The following TRPS1 variants were observed in gnomAD, a reference collection of about 807,000 sequenced individuals.
The protein encoded by TRPS1 is transcriptional repressor GATA binding 1.
A neutral mutation model predicts 101.2 loss-of-function variants in TRPS1; 6 were observed. The observed-to-expected ratio is 0.06, with a 90% CI of 0.03 to 0.12. The LOEUF (loss-of-function observed/expected upper bound fraction) is 0.12. Among genes scored for constraint, TRPS1 ranks in the 10% least tolerant of loss-of-function variants. TRPS1 has a pLI of 1.00. For missense variants in TRPS1, 1,363 were observed against 1,567.0 expected, an observed-to-expected ratio of 0.87 and a Z score of 2.20; for synonymous variants, 578 against 589.8, an observed-to-expected ratio of 0.98 and a Z score of 0.29.
intron 5 of TRPS1, among the ~76,000 whole-genome samples, chr8:115,451,166 G>C (rs1206531490): frequency 6.6e-6 from 1 of 152,172 alleles, no homozygotes; most frequent in Non-Finnish European, 1.5e-5. Flanking sequence ...TATTAGATGT[G>C]CAGTGCTCTA....
chr8:115,541,267 C>T (rs1055093631), intron 5 of TRPS1, among the ~76,000 whole-genome samples: 22 of 152,244 alleles, frequency 1.4e-4, no homozygotes, highest in African/African-American at 5.3e-4. Context: ...ATAGGGATGG[C>T]TTAGGAGGGT....
chr8:115,572,800 C>T (rs1351271376), intron 5 of TRPS1, among the ~76,000 whole-genome samples: 1 of 152,110 alleles, frequency 6.6e-6, no homozygotes, highest in Non-Finnish European at 1.5e-5. Flanking sequence ...TTTACCCTCA[C>T]AGAACAGCTG....
chr8:115,610,518 T>C (rs1818137996), intron 3 of TRPS1, among the ~76,000 whole-genome samples: 1 of 152,188 alleles, frequency 6.6e-6, no homozygotes, highest in African/African-American at 2.4e-5. Flanking sequence ...CCATAGCTTA[T>C]TTCTGAGGTT....
intron 5 of TRPS1, among the ~76,000 whole-genome samples, chr8:115,427,199 C>T (rs1813208066): frequency 6.6e-6 from 1 of 152,028 alleles, no homozygotes; most frequent in Non-Finnish European, 1.5e-5. Flanking sequence ...ATGGTTTGAG[C>T]CCAGGGGTTC....
At chr8:115,459,254 G>T (rs1375957907) in intron 5 of TRPS1, among the ~76,000 whole-genome samples, 4 of 152,108 alleles carry the variant, frequency 2.6e-5, no homozygotes, top group African/African-American at 9.7e-5. Flanking sequence ...AACCCGGGAG[G>T]CGGAGCTTGC....
chr8:115,603,966 T>C lies in TRPS1; in HGVS notation c.2003A>G (p.Asp668Gly). The C allele has an allele frequency of 2.5e-6, 4 of 1,613,998 alleles. No individual in the cohort carries two copies. Among genetic ancestry groups the C allele is most frequent in the Non-Finnish European group, 2.5e-6 (3 of 1,179,972 alleles). Residue 668 changes from aspartate to glycine, a missense_variant, in exon 4 of 7, where the codon GAT becomes GGT. Transcript: ENST00000395715. ...GCTTTCCTTGACAGACTGCTGCCCA[T>C]CCGATCCTTGCAGGTGATTTGCTTC... ...KQEANHLQGS[D>G]GQQSVKESKE...
At chr8:115,527,634 G>C (rs1816031342) in intron 5 of TRPS1, among the ~76,000 whole-genome samples, 1 of 151,914 alleles carries the variant, frequency 6.6e-6, no homozygotes, top group Admixed American at 6.6e-5. Flanking sequence ...GAAACTGTGA[G>C]GTAAAGGTCT....
chr8:115,579,605 ATAATCAGTACCTTTTT>A (rs1157145393), intron 5 of TRPS1, among the ~76,000 whole-genome samples: 1 of 138,838 alleles, frequency 7.2e-6, no homozygotes, highest in African/African-American at 2.7e-5. Flanking sequence ...AGTTTGATTC[ATAATCAGTACCTTTTT>A]TAATGGTAGC....
intron 1 of TRPS1, among the ~76,000 whole-genome samples, chr8:115,633,756 T>G (rs1474301734): frequency 6.6e-6 from 1 of 152,194 alleles, no homozygotes; most frequent in Non-Finnish European, 1.5e-5. Flanking sequence ...GAATAAATGC[T>G]GTGTTTACAT....
At chr8:115,601,860 T>C (rs1331399121) in intron 4 of TRPS1, among the ~76,000 whole-genome samples, 1 of 152,188 alleles carries the variant, frequency 6.6e-6, no homozygotes, top group African/African-American at 2.4e-5. Flanking sequence ...GAACTCCCAT[T>C]AGGCATCCTG....
chr8:115,443,132 T>C lies in TRPS1; in HGVS notation c.2701-24680A>G, dbSNP rs571068055. On this transcript the variant is annotated intron_variant, in intron 5 of 6. Transcript: ENST00000395715. ...AAAAGGAAAAAAAAATAGCTGGACG[T>C]GGTGGCATATTCCTGTAGTCCCAGC... Among the ~76,000 whole-genome samples, 5 of 150,774 alleles carry C rather than the reference T, an allele frequency of 3.3e-5. No homozygotes were observed. The East Asian group carries it at 9.7e-4, about 29-fold the overall frequency.
At chr8:115,519,381 G>T (rs1036618718) in intron 5 of TRPS1, among the ~76,000 whole-genome samples, 2 of 151,402 alleles carry the variant, frequency 1.3e-5, no homozygotes, top group Non-Finnish European at 3.0e-5. Flanking sequence ...AATCCACTAC[G>T]TAAATTTGAA....
rs916251477 is a variant in TRPS1, at chr8:115,482,316, C to T, written c.2701-63864G>A. Among the ~76,000 whole-genome samples, 14 of 152,292 alleles carry T rather than the reference C, an allele frequency of 9.2e-5. 1 individual carries two copies. Among genetic ancestry groups the T allele is most frequent in the African/African-American group, 2.6e-4 (11 of 41,578 alleles). ...GATGTATAAGGTGAAATTTAACCTACATATGCAAATGGATTTCACTGAATC... is the reference window on the plus strand; with the variant it reads ...GATGTATAAGGTGAAATTTAACCTATATATGCAAATGGATTTCACTGAATC... On this transcript the variant is annotated intron_variant, in intron 5 of 6. Coordinates refer to ENST00000395715, the MANE Select transcript of TRPS1 (RefSeq NM_014112.5).
intron 5 of TRPS1, among the ~76,000 whole-genome samples, chr8:115,464,259 C>G (rs1196785871): frequency 6.6e-6 from 1 of 152,052 alleles, no homozygotes; most frequent in Admixed American, 6.6e-5. Context: ...ACTGCTTTGT[C>G]CACCCTGGCA....
chr8:115,620,147 GT>G, intron 2 of TRPS1, 87 bp from the exon 3 acceptor site: 2 of 1,320,662 alleles, frequency 1.5e-6, no homozygotes, highest in Non-Finnish European at 2.1e-6. Context: ...ACTTATGTGA[GT>G]TTTTTAAGGT....
chr8:115,606,807 CAA>C (rs72238288), intron 3 of TRPS1, among the ~76,000 whole-genome samples: 29 of 123,440 alleles, frequency 2.3e-4, no homozygotes, highest in African/African-American at 7.9e-4. Flanking sequence ...GTTCATTTGC[CAA>C]AAAAAAAAAA....
intron 5 of TRPS1, among the ~76,000 whole-genome samples, chr8:115,448,497 G>C (rs1467280338): frequency 1.3e-5 from 2 of 152,106 alleles, no homozygotes; most frequent in Admixed American, 6.5e-5. Flanking sequence ...ATATGGAAAA[G>C]AGCTCTCTTT....
At chr8:115,617,787 T>G (rs1818305290) in intron 3 of TRPS1, among the ~76,000 whole-genome samples, 2 of 152,194 alleles carry the variant, frequency 1.3e-5, no homozygotes, top group South Asian at 4.1e-4. Context: ...AGCATGTAGC[T>G]TTCATGCATA....
chr8:115,618,842 A>G (rs1404672420), intron 3 of TRPS1, among the ~76,000 whole-genome samples: 2 of 152,214 alleles, frequency 1.3e-5, no homozygotes, highest in Non-Finnish European at 2.9e-5. Flanking sequence ...GAAAACATCA[A>G]ATTACCATGA....
Sources: allele counts gnomAD v4.1 joint callset (sites outside exome capture counted in the v4.1 genomes callset), GRCh38; gene constraint gnomAD v4.1.1; transcripts MANE v1.5; gene names NCBI Gene and HGNC (gene_info 2026-07-23, HGNC 2026-07-21).